RALGAPB: variants seen among roughly 807,000 people sequenced by gnomAD.
The protein encoded by RALGAPB is Ral GTPase activating protein non-catalytic subunit beta.
RALGAPB carries 25 observed loss-of-function variants against 161.1 expected under a neutral mutation model. That is an observed-to-expected ratio of 0.16 (90% CI 0.11 to 0.22). RALGAPB has a LOEUF of 0.22. Ranked by LOEUF, RALGAPB falls within the 10% of genes least tolerant of loss-of-function variation. The probability of loss-of-function intolerance (pLI) is 1.00; values close to 1 mark genes in which losing one functional copy is unlikely to be tolerated. For synonymous variants in RALGAPB, 629 were observed against 626.1 expected, an observed-to-expected ratio of 1.00 and a Z score of -0.07; for missense variants, 1,391 against 1,815.2, an observed-to-expected ratio of 0.77 and a Z score of 4.25.
chr20:38,480,262 C>T (rs55770354), intron 1 of RALGAPB, among the ~76,000 whole-genome samples: 1,577 of 151,678 alleles, frequency 0.01, 21 homozygotes, highest in African/African-American at 0.036. Flanking sequence ...CCTTTGAAAC[C>T]TTACCACCTT....
chr20:38,477,984 G>C (rs531183160), intron 1 of RALGAPB, among the ~76,000 whole-genome samples: 1 of 152,144 alleles, frequency 6.6e-6, no homozygotes, highest in Admixed American at 6.5e-5. Flanking sequence ...AATTAGCGGC[G>C]CATGGTGACA....
At chr20:38,527,204 T>C (rs970671633) in intron 13 of RALGAPB, among the ~76,000 whole-genome samples, 9 of 152,212 alleles carry the variant, frequency 5.9e-5, no homozygotes, top group Non-Finnish European at 1.3e-4. Context: ...ATCTTAGATT[T>C]TTATCTGTTC....
intron 2 of RALGAPB, among the ~76,000 whole-genome samples, chr20:38,490,773 G>C (rs961942000): frequency 6.6e-6 from 1 of 152,110 alleles, no homozygotes; most frequent in African/African-American, 2.4e-5. Context: ...GCCTCCCAAA[G>C]TGCTGGGATT....
intron 28 of RALGAPB, among the ~76,000 whole-genome samples, chr20:38,573,460 C>T (rs1168252018): frequency 6.6e-6 from 1 of 152,126 alleles, no homozygotes; most frequent in Non-Finnish European, 1.5e-5. Flanking sequence ...ATGGGTTGGC[C>T]TATCCCTGGT....
chr20:38,538,803 GA>G (rs2086883838), intron 16 of RALGAPB, among the ~76,000 whole-genome samples: 1 of 152,162 alleles, frequency 6.6e-6, no homozygotes, highest in South Asian at 2.1e-4. Context: ...CTATTGACGA[GA>G]ATGTTAAATG....
At chr20:38,511,944 G>A (rs1028912855) in intron 6 of RALGAPB, among the ~76,000 whole-genome samples, 4 of 152,036 alleles carry the variant, frequency 2.6e-5, no homozygotes, top group Non-Finnish European at 4.4e-5. Context: ...ACAGGGCGGC[G>A]GCCGGGCGGG....
intron 6 of RALGAPB, among the ~76,000 whole-genome samples, chr20:38,510,692 C>T (rs1600896950): frequency 8.3e-6 from 1 of 120,198 alleles, no homozygotes; most frequent in Non-Finnish European, 1.5e-5. Flanking sequence ...GGGCGGATCA[C>T]GAGGTCAGGA....
At chr20:38,508,278 G>A (rs1219227145) in intron 5 of RALGAPB, among the ~76,000 whole-genome samples, 2 of 151,614 alleles carry the variant, frequency 1.3e-5, no homozygotes, top group Non-Finnish European at 2.9e-5. Flanking sequence ...CTACAAAATG[G>A]GAAGAAATGA....
chr20:38,529,313 C>T (rs1454364192), intron 13 of RALGAPB, among the ~76,000 whole-genome samples: 1 of 151,744 alleles, frequency 6.6e-6, no homozygotes, highest in Admixed American at 6.6e-5. Context: ...GTGGGTGACT[C>T]ACGAGACCAC....
At chr20:38,524,744 CAGTT>C (rs2086406821) in intron 10 of RALGAPB, 30 bp from the exon 11 acceptor site, 2 of 1,493,448 alleles carry the variant, frequency 1.3e-6, no homozygotes, top group African/African-American at 2.8e-5. Flanking sequence ...TTTTGATCAG[CAGTT>C]TGTTTAAAAT....
chr20:38,535,014 G>T, intron 15 of RALGAPB, 60 bp from the exon 16 acceptor site: 1 of 1,563,812 alleles, frequency 6.4e-7, no homozygotes, highest in Non-Finnish European at 8.8e-7. Context: ...TGTGCTTCTC[G>T]TTACTAATGC....
At chr20:38,476,290 T>C (rs1391037883) in intron 1 of RALGAPB, among the ~76,000 whole-genome samples, 1 of 152,238 alleles carries the variant, frequency 6.6e-6, no homozygotes, top group Non-Finnish European at 1.5e-5. Context: ...TTTCCTGACA[T>C]GTGCAAAGAC....
At chr20:38,485,544 G>A (rs117039742) in intron 1 of RALGAPB, among the ~76,000 whole-genome samples, 7,729 of 152,202 alleles carry the variant, frequency 0.051, 252 homozygotes, top group Middle Eastern at 0.13. Flanking sequence ...TCCTGCCTCA[G>A]CCTCCTGAGT....
intron 18 of RALGAPB, among the ~76,000 whole-genome samples, chr20:38,546,033 A>G (rs961295659): frequency 2.0e-5 from 3 of 152,150 alleles, no homozygotes; most frequent in African/African-American, 7.2e-5. Context: ...ACATACAGGT[A>G]TGCATCTGGG....
intron 2 of RALGAPB, among the ~76,000 whole-genome samples, chr20:38,491,687 T>G (rs1245906904): frequency 9.2e-5 from 14 of 152,228 alleles, no homozygotes. Flanking sequence ...TTAATCTTGC[T>G]AAGCTTCTGT....
chr20:38,537,174 A>G (rs1020035349), intron 16 of RALGAPB, among the ~76,000 whole-genome samples: 2 of 152,252 alleles, frequency 1.3e-5, no homozygotes, highest in African/African-American at 4.8e-5. Flanking sequence ...GGTGGAAGAA[A>G]ATAGTATATC....
At chr20:38,556,561 G>A (rs2087592941) in intron 22 of RALGAPB, among the ~76,000 whole-genome samples, 2 of 151,906 alleles carry the variant, frequency 1.3e-5, no homozygotes, top group Admixed American at 1.3e-4. Context: ...AAAATACAAT[G>A]CAAAAATGCC....
intron 6 of RALGAPB, among the ~76,000 whole-genome samples, chr20:38,510,143 C>T (rs1210929080): frequency 6.8e-6 from 1 of 146,124 alleles, no homozygotes; most frequent in African/African-American, 2.7e-5. Context: ...CACACACACA[C>T]ACACACACAC....
intron 20 of RALGAPB, among the ~76,000 whole-genome samples, chr20:38,550,626 C>T (rs1053105485): frequency 1.2e-4 from 18 of 152,162 alleles, no homozygotes; most frequent in African/African-American, 4.3e-4. Flanking sequence ...AGATTTGGTG[C>T]CCATACTCTC....
Sources: allele counts gnomAD v4.1 joint callset (sites outside exome capture counted in the v4.1 genomes callset), GRCh38; gene constraint gnomAD v4.1.1; transcripts MANE v1.5; gene names NCBI Gene and HGNC (gene_info 2026-07-23, HGNC 2026-07-21).